The following SPON1 variants were observed in gnomAD, a reference collection of about 807,000 sequenced individuals.
SPON1 encodes spondin-1.
SPON1 carries 52 observed loss-of-function variants against 111.7 expected under a neutral mutation model. That is an observed-to-expected ratio of 0.47 (90% CI 0.37 to 0.59). The LOEUF (loss-of-function observed/expected upper bound fraction) is 0.59. Ranked by LOEUF, SPON1 falls within the 20% of genes least tolerant of loss-of-function variation. The probability of loss-of-function intolerance (pLI) is 0.00; values close to 1 mark genes in which losing one functional copy is unlikely to be tolerated. For synonymous variants in SPON1, 410 were observed against 395.8 expected (o/e 1.04, Z -0.43); for missense variants, 957 against 1,068.5 (o/e 0.90, Z 1.46).
chr11:14,143,561 CA>C (rs11343993), intron 6 of SPON1, among the ~76,000 whole-genome samples: 56,635 of 137,662 alleles, frequency 0.41, 10,929 homozygotes, highest in East Asian at 0.56. Flanking sequence ...ACCCTGTTTC[CA>C]AAAAAAAAAA....
At position 13,967,972 on chromosome 11, in the gene SPON1, G is replaced by T. The variant is rs578178814; in HGVS notation, c.238+4830G>T. ...GCATATCAAAATGGAATTTTTCAAG[G>T]TTTAAAACTTGAGTACTCCCCCATA... On this transcript the variant is annotated intron_variant, in intron 1 of 15. Coordinates refer to ENST00000576479, the MANE Select transcript of SPON1 (RefSeq NM_006108.4). 2.0e-5 allele frequency among the ~76,000 whole-genome samples: 3 copies of T among 152,232 alleles called. No homozygotes were observed. In the South Asian group the frequency reaches 6.2e-4, roughly 32 times the overall value.
At position 14,091,689 on chromosome 11, in the gene SPON1, C is replaced by T. The variant is rs186474905; in HGVS notation, c.676+11668C>T. ...GGCTCGCAAGTGCCGCCCGCAGCCC[C>T]GGTTCTCGCTCGCACCTTTCCCTCC... On this transcript the variant is annotated intron_variant, in intron 5 of 15. Transcript: ENST00000576479. 2.1e-4 allele frequency among the ~76,000 whole-genome samples: 32 copies of T among 151,976 alleles called. No individual in the cohort carries two copies. In the East Asian group the frequency reaches 5.0e-3, roughly 24 times the overall value.
intron 7 of SPON1, among the ~76,000 whole-genome samples, chr11:14,247,829 A>G (rs1849009390): frequency 6.6e-6 from 1 of 152,190 alleles, no homozygotes; most frequent in South Asian, 2.1e-4. Context: ...CAAGATTTCC[A>G]GTTAGAGGTG....
intron 2 of SPON1, among the ~76,000 whole-genome samples, chr11:14,026,819 C>A (rs527508135): frequency 1.3e-5 from 2 of 152,326 alleles, no homozygotes; most frequent in East Asian, 3.9e-4. Flanking sequence ...TATATTATTT[C>A]TCCTGCCTGT....
chr11:14,233,798 C>T (rs564533234), intron 6 of SPON1, among the ~76,000 whole-genome samples: 2 of 134,968 alleles, frequency 1.5e-5, no homozygotes, highest in Admixed American at 1.7e-4. Context: ...GTTCTGCCCT[C>T]GTCGCCCAGT....
chr11:14,147,162 C>T lies in SPON1; in HGVS notation c.825+11594C>T, dbSNP rs182316222. Among the ~76,000 whole-genome samples the T allele has an allele frequency of 6.4e-3, 955 of 149,868 alleles. 8 individuals carry two copies. Among genetic ancestry groups the T allele is most frequent in the Middle Eastern group, 0.011 (3 of 278 alleles). ...CTCCTGTCTCAGCCTCCTGAGTAGC[C>T]GGGACTATAGGCACCTGCCACCATG... On this transcript the variant is annotated intron_variant, in intron 6 of 15. Coordinates refer to ENST00000576479, the MANE Select transcript of SPON1 (RefSeq NM_006108.4).
intron 6 of SPON1, among the ~76,000 whole-genome samples, chr11:14,144,005 C>T (rs933056498): frequency 2.0e-5 from 3 of 152,150 alleles, no homozygotes; most frequent in African/African-American, 4.8e-5. Context: ...AGAACCTGTA[C>T]TTCTTAAGTC....
At chr11:14,262,655 G>A (rs566012556) in intron 14 of SPON1, 57 bp from the exon 15 acceptor site, 130 of 1,599,660 alleles carry the variant, frequency 8.1e-5, no homozygotes, top group Middle Eastern at 6.6e-4. Context: ...AAAGGAGAGC[G>A]TGACCATATC....
intron 2 of SPON1, among the ~76,000 whole-genome samples, 198 bp from the exon 3 acceptor site, chr11:14,041,323 G>A (rs1052643977): frequency 1.3e-5 from 2 of 152,128 alleles, no homozygotes; most frequent in African/African-American, 4.8e-5. Context: ...CCCAGTCTGC[G>A]TCCTCATACA....
intron 2 of SPON1, among the ~76,000 whole-genome samples, chr11:13,999,173 T>A (rs1848296886): frequency 1.3e-5 from 2 of 152,230 alleles, no homozygotes; most frequent in Admixed American, 6.5e-5. Flanking sequence ...TTTTTAATAC[T>A]ATAAATAATT....
At chr11:14,177,634 C>T (rs1240863347) in intron 6 of SPON1, among the ~76,000 whole-genome samples, 1 of 152,178 alleles carries the variant, frequency 6.6e-6, no homozygotes, top group African/African-American at 2.4e-5. Context: ...AATCTTGTGG[C>T]TAATGTTAGT....
chr11:14,000,915 G>A (rs1396752900), intron 2 of SPON1, among the ~76,000 whole-genome samples: 4 of 152,038 alleles, frequency 2.6e-5, no homozygotes, highest in Admixed American at 2.6e-4. Context: ...TTGTTTCCTT[G>A]CCTGTCAAAA....
intron 2 of SPON1, among the ~76,000 whole-genome samples, chr11:14,012,399 G>A (rs1394810517): frequency 6.6e-6 from 1 of 152,126 alleles, no homozygotes; most frequent in Admixed American, 6.5e-5. Flanking sequence ...GTCAGCTTTT[G>A]ACTCTGGTGA....
chr11:14,231,832 C>T (rs536198712), intron 6 of SPON1, among the ~76,000 whole-genome samples: 60 of 151,162 alleles, frequency 4.0e-4, no homozygotes, highest in South Asian at 3.1e-3. Context: ...AAAGTATATA[C>T]GTGTGTGTGT....
At position 14,160,877 on chromosome 11, in the gene SPON1, TTTTATATATTTATATATA is replaced by T. The variant is rs1205456683; in HGVS notation, c.825+25329_825+25346del. On this transcript the variant is annotated intron_variant, in intron 6 of 15. Coordinates refer to ENST00000576479, the MANE Select transcript of SPON1 (RefSeq NM_006108.4). ...TATATATATTTATATATTTTTATAT[TTTTATATATTTATATATA>T]TTTATATATTTATATATATATTTAT... 1.9e-3 allele frequency among the ~76,000 whole-genome samples: 54 copies of T among 27,894 alleles called. 4 individuals carry two copies. The highest frequency in any genetic ancestry group is 3.4e-3 in the Admixed American group (5 of 1,478). 18.3% of individuals were successfully genotyped at this position (27,894 alleles called of 152,430 possible).
At chr11:14,115,174 G>C (rs1849257831) in intron 5 of SPON1, among the ~76,000 whole-genome samples, 2 of 152,278 alleles carry the variant, frequency 1.3e-5, no homozygotes, top group Admixed American at 1.3e-4. Flanking sequence ...ATCCAATGCA[G>C]CTCAAGCATA....
chr11:14,068,390 C>T (rs782566422), intron 3 of SPON1, among the ~76,000 whole-genome samples: 3 of 152,124 alleles, frequency 2.0e-5, no homozygotes, highest in Non-Finnish European at 2.9e-5. Flanking sequence ...AATCCAATGA[C>T]CACACAAGTT....
At chr11:14,139,898 T>C (rs1847633493) in intron 6 of SPON1, among the ~76,000 whole-genome samples, 1 of 151,970 alleles carries the variant, frequency 6.6e-6, no homozygotes, top group Non-Finnish European at 1.5e-5. Context: ...CAACAGCACA[T>C]GCAAAGGGCC....
At chr11:14,175,511 A>G (rs1591400240) in intron 6 of SPON1, among the ~76,000 whole-genome samples, 1 of 152,146 alleles carries the variant, frequency 6.6e-6, no homozygotes, top group African/African-American at 2.4e-5. Context: ...CCCTGTCTCC[A>G]TTACAGAACA....
Sources: allele counts gnomAD v4.1 joint callset (sites outside exome capture counted in the v4.1 genomes callset), GRCh38; gene constraint gnomAD v4.1.1; transcripts MANE v1.5; gene names NCBI Gene and HGNC (gene_info 2026-07-23, HGNC 2026-07-21).